Variants in BBOX1 observed in about 807,000 individuals in gnomAD.
The protein encoded by BBOX1 is gamma-butyrobetaine dioxygenase.
Under a neutral mutation model 41.6 loss-of-function variants are expected in BBOX1, and 35 were observed. That is an observed-to-expected ratio of 0.84 (90% CI 0.64 to 1.11). BBOX1 has a LOEUF of 1.11. BBOX1 is among the 50% of genes most tolerant of loss of function. BBOX1 has a pLI of 0.00. For synonymous variants in BBOX1, 163 were observed against 154.7 expected, an observed-to-expected ratio of 1.05 and a Z score of -0.40; for missense variants, 458 against 460.6, an observed-to-expected ratio of 0.99 and a Z score of 0.05.
At chr11:27,058,455 T>C (rs1857049094) in intron 4 of BBOX1, among the ~76,000 whole-genome samples, 1 of 152,230 alleles carries the variant, frequency 6.6e-6, no homozygotes, top group Non-Finnish European at 1.5e-5. Flanking sequence ...GAAGCAGCTT[T>C]GGAACTGGGT....
At chr11:27,056,508 G>T (rs1230945744) in intron 3 of BBOX1, among the ~76,000 whole-genome samples, 1 of 151,806 alleles carries the variant, frequency 6.6e-6, no homozygotes, top group African/African-American at 2.4e-5. Flanking sequence ...TGCCTGCCTC[G>T]GCCTCCCAAA....
intron 5 of BBOX1, among the ~76,000 whole-genome samples, chr11:27,103,707 AC>A (rs1418327579): frequency 6.6e-6 from 1 of 152,010 alleles, no homozygotes; most frequent in Non-Finnish European, 1.5e-5. Flanking sequence ...ATAAAAAAAA[AC>A]AGAAGGTAGA....
chr11:27,127,727 T>C lies in BBOX1; in HGVS notation c.*274T>C. 2 of 308,518 alleles carry C rather than the reference T, an allele frequency of 6.5e-6. 1 individual carries two copies. Among genetic ancestry groups the C allele is most frequent in the Non-Finnish European group, 1.2e-5 (2 of 170,288 alleles). 19.1% of individuals were successfully genotyped at this position (308,518 alleles called of 1,614,324 possible). On this transcript the variant is annotated 3_prime_UTR_variant, in exon 9 of 9. Coordinates refer to ENST00000263182, the MANE Select transcript of BBOX1 (RefSeq NM_003986.3). The stretch of plus-strand genomic sequence containing the variant: ...CATATATGAGTATCTCCAGAATGTC[T>C]ACAAATAGTTTTTGTAGCAAATGAA...
intron 4 of BBOX1, among the ~76,000 whole-genome samples, chr11:27,091,807 T>C (rs1478454150): frequency 6.6e-6 from 1 of 151,984 alleles, no homozygotes; most frequent in East Asian, 1.9e-4. Flanking sequence ...TACTAACGAA[T>C]ATTAGCATAG....
At chr11:27,104,559 G>C (rs1858789655) in intron 5 of BBOX1, among the ~76,000 whole-genome samples, 2 of 152,096 alleles carry the variant, frequency 1.3e-5, no homozygotes, top group Non-Finnish European at 2.9e-5. Flanking sequence ...AGGTCTTGTG[G>C]AGATTTTCGT....
intron 5 of BBOX1, among the ~76,000 whole-genome samples, chr11:27,097,349 T>C (rs954664610): frequency 3.9e-5 from 6 of 152,064 alleles, no homozygotes; most frequent in Non-Finnish European, 8.8e-5. Context: ...AACTACATTC[T>C]ATCATACACT....
chr11:27,057,190 T>G lies in BBOX1; in HGVS notation c.220-11T>G, dbSNP rs1857012309. On this transcript the variant is annotated splice_polypyrimidine_tract_variant and intron_variant, in intron 3 of 8. Transcript: ENST00000263182. ...ATCCACATAGGTGAAATTTGCTTTT[T>G]GTGTTATAAGGTGTACATCACATGG... 27 of 1,536,528 alleles carry G rather than the reference T, an allele frequency of 1.8e-5. No individual in the cohort carries two copies. Among genetic ancestry groups the G allele is most frequent in the Non-Finnish European group, 2.4e-5 (27 of 1,146,484 alleles).
chr11:27,055,761 G>A, intron 3 of BBOX1, 112 bp downstream of exon 3: 1 of 936,010 alleles, frequency 1.1e-6, no homozygotes, highest in Non-Finnish European at 1.6e-6. Context: ...AACCGCATAT[G>A]AACCCACGTT....
intron 4 of BBOX1, chr11:27,066,593 T>C (rs1857288475): frequency 6.7e-6 from 1 of 150,336 alleles, no homozygotes; most frequent in Non-Finnish European, 1.5e-5. Context: ...AAATTTCTTC[T>C]TTTAGATTTT....
At chr11:27,100,385 A>C (rs1858604793) in intron 5 of BBOX1, among the ~76,000 whole-genome samples, 3 of 152,152 alleles carry the variant, frequency 2.0e-5, no homozygotes, top group African/African-American at 7.2e-5. Flanking sequence ...GTTATGAAAA[A>C]TCAACCTAGA....
In BBOX1 at chr11:27,087,308, G is replaced by T. The variant is rs34317776; in HGVS notation, c.335-5860G>T. Among the ~76,000 whole-genome samples the T allele has an allele frequency of 7.6e-3, 1,161 of 152,100 alleles. 14 individuals carry two copies. The highest frequency in any genetic ancestry group is 0.011 in the Non-Finnish European group (724 of 67,976). On this transcript the variant is annotated intron_variant, in intron 4 of 8. Transcript: ENST00000263182. ...GACTTCACTGTTGTCTTAAGAAACT[G>T]CCACAGCCACCCCAGCCCTCACCAA... is the stretch of plus-strand genomic sequence containing the variant.
chr11:27,054,234 T>C (rs11029809), intron 2 of BBOX1, among the ~76,000 whole-genome samples: 119 of 148,242 alleles, frequency 8.0e-4, no homozygotes, highest in South Asian at 3.8e-3. Context: ...TGTGTGTGTG[T>C]GCGTGCACAT....
chr11:27,083,495 C>T (rs1016885189), intron 4 of BBOX1, among the ~76,000 whole-genome samples: 2 of 151,948 alleles, frequency 1.3e-5, no homozygotes, highest in Admixed American at 6.6e-5. Context: ...TTCCCACTGT[C>T]CCTCCTACCT....
chr11:27,042,490 G>A (rs143717078), intron 2 of BBOX1, among the ~76,000 whole-genome samples: 19 of 152,234 alleles, frequency 1.2e-4, no homozygotes, highest in East Asian at 3.9e-4. Flanking sequence ...GTAACTCAGA[G>A]TATGTGTATG....
intron 7 of BBOX1, among the ~76,000 whole-genome samples, chr11:27,124,851 A>T (rs1190942201): frequency 6.6e-6 from 1 of 152,156 alleles, no homozygotes; most frequent in Non-Finnish European, 1.5e-5. Context: ...ATGCTGTATT[A>T]TCTTACATTG....
intron 4 of BBOX1, among the ~76,000 whole-genome samples, chr11:27,089,785 G>A (rs1240791997): frequency 6.6e-6 from 1 of 152,004 alleles, no homozygotes; most frequent in African/African-American, 2.4e-5. Flanking sequence ...GCTTTGGAAA[G>A]AGGAAATGGT....
At chr11:27,084,882 T>C (rs1857979122) in intron 4 of BBOX1, among the ~76,000 whole-genome samples, 3 of 152,150 alleles carry the variant, frequency 2.0e-5, no homozygotes, top group South Asian at 2.1e-4. Flanking sequence ...GAAGCACATG[T>C]TCAAGGAAGT....
intron 4 of BBOX1, among the ~76,000 whole-genome samples, chr11:27,090,252 A>G (rs942514268): frequency 1.3e-5 from 2 of 151,954 alleles, no homozygotes; most frequent in Admixed American, 6.6e-5. Flanking sequence ...TCTATTTTCC[A>G]TAAGTGTCAG....
intron 4 of BBOX1, among the ~76,000 whole-genome samples, chr11:27,077,653 G>C (rs972286315): frequency 1.2e-4 from 17 of 147,474 alleles, no homozygotes; most frequent in African/African-American, 4.2e-4. Flanking sequence ...CAGTTTTCTT[G>C]ACCCTCTTGA....
Sources: allele counts gnomAD v4.1 joint callset (sites outside exome capture counted in the v4.1 genomes callset), GRCh38; gene constraint gnomAD v4.1.1; transcripts MANE v1.5; gene names NCBI Gene and HGNC (gene_info 2026-07-23, HGNC 2026-07-21).